KEAP1: variants seen among roughly 807,000 people sequenced by gnomAD.
KEAP1 encodes kelch like ECH associated protein 1.
In KEAP1, 26 loss-of-function variants were observed where a neutral mutation model predicts 59.7. That is an observed-to-expected ratio of 0.44 (90% CI 0.32 to 0.60). The LOEUF is 0.60. Ranked by LOEUF, KEAP1 falls within the 20% of genes least tolerant of loss-of-function variation. The pLI is 0.06. For synonymous variants in KEAP1, 350 were observed against 358.3 expected, an observed-to-expected ratio of 0.98 and a Z score of 0.26; for missense variants, 539 against 871.4, an observed-to-expected ratio of 0.62 and a Z score of 4.80.
At chr19:10,489,120 A>AT in intron 5 of KEAP1, 72 bp downstream of exon 5, 43 of 920,538 alleles carry the variant, frequency 4.7e-5, no homozygotes, top group Non-Finnish European at 5.7e-5. Flanking sequence ...AAAAAAAAAA[A>AT]GGAAAGCAAA....
rs1415348782 is a variant in KEAP1, at chr19:10,499,866, C to T, written c.168G>A (p.Leu56=). The change falls in exon 2 of 6, where the codon CTG becomes CTA. Residue 56 remains leucine (L), a synonymous_variant. Coordinates refer to ENST00000171111, the MANE Select transcript of KEAP1 (RefSeq NM_203500.2). This position sits in a 1 kb window ranked among gnomAD's most constrained non-coding sequence, Gnocchi z 6.7. ...CAAAGGCCTGCTTGGTATGATCCTCCAGGGTGTAGCTGAAGGTGCGGTTGC... is the reference window on the plus strand; with the variant it reads ...CAAAGGCCTGCTTGGTATGATCCTCTAGGGTGTAGCTGAAGGTGCGGTTGC... ...QHGNRTFSYT[L]EDHTKQAFGI... The T allele has an allele frequency of 1.2e-6, 2 of 1,613,568 alleles. No homozygotes were observed. The highest frequency in any genetic ancestry group is 8.5e-7 in the Non-Finnish European group (1 of 1,179,928).
At chr19:10,489,450 T>C (rs2144588467) in intron 4 of KEAP1, 82 bp from the exon 5 acceptor site, 1 of 1,377,150 alleles carries the variant, frequency 7.3e-7, no homozygotes, top group Non-Finnish European at 1.0e-6. Flanking sequence ...GGGAGACCTT[T>C]CCTCTCTCCT....
Position 10,499,978 on chromosome 19 carries a change from AG to A in KEAP1, c.55del (p.Leu19CysfsTer13). 1.3e-6 allele frequency: 2 copies of A among 1,588,524 alleles called. No homozygotes were observed. The highest frequency in any genetic ancestry group is 8.6e-7 in the Non-Finnish European group (1 of 1,162,448). The part of the protein sequence containing the change: ...GAGACCRFLP[L>X]QSQCPEGAGD... ...TGCCCCCTCAGGGCACTGTGACTGC[AG>A]GGGCAGGAATCGGCAGCAGGCCCCA... is the stretch of plus-strand genomic sequence containing the variant. On this transcript the variant is annotated frameshift_variant, in exon 2 of 6. Coordinates refer to ENST00000171111, the MANE Select transcript of KEAP1 (RefSeq NM_203500.2). LOFTEE classifies it high-confidence loss of function. The surrounding 1 kb of genome is among the most constrained non-coding windows in gnomAD (Gnocchi z 6.7).
At chr19:10,490,251 C>CAA (rs796097627) in intron 3 of KEAP1, 5 of 97,242 alleles carry the variant, frequency 5.1e-5, no homozygotes, top group South Asian at 3.6e-4. Flanking sequence ...GACTCCATCT[C>CAA]AAAAAAAAAA....
rs780849948 is a variant in KEAP1, at chr19:10,486,686, C to T, written c.1841G>A (p.Arg614Gln). The change falls in exon 6 of 6, where the codon CGG becomes CAG. Residue 614 changes from arginine (R) to glutamine (Q), a missense_variant. Coordinates refer to ENST00000171111, the MANE Select transcript of KEAP1 (RefSeq NM_203500.2). ...ACAGTTCTGCTGGTCAATCTGCTTC[C>T]GGCAGGGCTCCATGGTGACAGCCAC... ...VGVAVTMEPC[R>Q]KQIDQQNCTC is the part of the protein sequence containing the mutation. 1.8e-5 allele frequency: 29 copies of T among 1,613,982 alleles called. No individual in the cohort carries two copies. Among genetic ancestry groups the T allele is most frequent in the South Asian group, 6.6e-5 (6 of 91,090 alleles).
At position 10,491,513 on chromosome 19, in the gene KEAP1, TCA is replaced by T. The variant is rs1914665563; in HGVS notation, c.1325+62_1325+63del. ...CAGCCTCAGGAAGAATACCCGGATC[TCA>T]GTGTCTTGGGACTTGCCAGGAGCAG... On this transcript the variant is annotated intron_variant, in intron 3 of 5. Transcript: ENST00000171111. This position sits in a 1 kb window ranked among gnomAD's most constrained non-coding sequence, Gnocchi z 5.2. 2 of 1,348,314 alleles carry T rather than the reference TCA, an allele frequency of 1.5e-6. No homozygotes were observed. The highest frequency in any genetic ancestry group is 3.3e-5 in the South Asian group (2 of 61,200). 83.5% of individuals were successfully genotyped at this position (1,348,314 alleles called of 1,614,324 possible).
intron 2 of KEAP1, among the ~76,000 whole-genome samples, chr19:10,498,839 A>AT (rs35169125): frequency 0.19 from 27,208 of 145,362 alleles, 2,556 homozygotes; most frequent in Middle Eastern, 0.22. Context: ...TTGTTTTTTA[A>AT]TTTTTTTTTT....
At chr19:10,498,038 T>G (rs1274148934) in intron 2 of KEAP1, among the ~76,000 whole-genome samples, 2 of 141,016 alleles carry the variant, frequency 1.4e-5, no homozygotes, top group Admixed American at 7.1e-5. Context: ...GTAGCTGGGA[T>G]TACAAGCATG....
rs767530415 is a variant in KEAP1, at chr19:10,489,865, T to A, written c.1326-12A>T. On this transcript the variant is annotated splice_polypyrimidine_tract_variant and intron_variant, in intron 3 of 5. Coordinates refer to ENST00000171111, the MANE Select transcript of KEAP1 (RefSeq NM_203500.2). Reference sequence around the variant, plus strand: ...GCTCTGGCTCATACCTGCAAGGGCGTAAGAAAAATGGGGACAATGGCCATT... The same window carrying A: ...GCTCTGGCTCATACCTGCAAGGGCGAAAGAAAAATGGGGACAATGGCCATT... The A allele has an allele frequency of 6.2e-7, 1 of 1,609,010 alleles. No homozygotes were observed. Among genetic ancestry groups the A allele is most frequent in the Non-Finnish European group, 8.5e-7 (1 of 1,177,622 alleles).
chr19:10,489,714 A>G lies in KEAP1; in HGVS notation c.1465T>C (p.Cys489Arg). ...CACTCGTTCCTCTCTGGGTAGTAAC[A>G]CTCAGCTGAATTAAGGCGGTTTGTC... is the stretch of plus-strand genomic sequence containing the variant. ...DGTNRLNSAE[C>R]YYPERNEWRM... Residue 489 changes from cysteine to arginine, a missense_variant, in exon 4 of 6, where the codon TGT becomes CGT. By Grantham distance (180) the Cys-to-Arg change is radical. This residue lies in a region of KEAP1 where 311 missense variants were observed against 425.2 expected (regional missense o/e 0.73). Transcript: ENST00000171111. 6.2e-7 allele frequency: 1 copy of G among 1,613,974 alleles called. No homozygotes were observed. The highest frequency in any genetic ancestry group is 2.2e-5 in the East Asian group (1 of 44,864).
intron 2 of KEAP1, among the ~76,000 whole-genome samples, chr19:10,493,081 C>T (rs1337181133): frequency 1.3e-5 from 2 of 151,740 alleles, no homozygotes; most frequent in Admixed American, 6.6e-5. Flanking sequence ...CTGCAACCTC[C>T]GCCACCCAGG....
At position 10,491,690 on chromosome 19, in the gene KEAP1, C is replaced by A. The variant is rs1914676826; in HGVS notation, c.1212G>T (p.Ser404=). 6.4e-7 allele frequency: 1 copy of A among 1,572,888 alleles called. No homozygotes were observed. Among genetic ancestry groups the A allele is most frequent in the Non-Finnish European group, 8.6e-7 (1 of 1,160,282 alleles). ...GGGGCACGCTCATGGGGGCGCAGGG[C>A]GACCACTGATTGGTCATGGGGTTGT... The part of the protein sequence containing the change: ...DCYNPMTNQW[S]PCAPMSVPRN... Residue 404 remains serine, a synonymous_variant, in exon 3 of 6, where the codon TCG becomes TCT. Coordinates refer to ENST00000171111, the MANE Select transcript of KEAP1 (RefSeq NM_203500.2). This position sits in a 1 kb window ranked among gnomAD's most constrained non-coding sequence, Gnocchi z 5.2.
In KEAP1 at chr19:10,502,912, G is replaced by C. The variant is rs1019024957; in HGVS notation, c.-48+329C>G. On this transcript the variant is annotated intron_variant, in intron 1 of 5. Transcript: ENST00000171111. This position sits in a 1 kb window ranked among gnomAD's most constrained non-coding sequence, Gnocchi z 4.0. ...CCCCGCCCACGCCTGCTGTCGCCCA[G>C]CTGCGCGGCCACCACGGCGCCCAGC... 1.3e-5 allele frequency: 2 copies of C among 152,242 alleles called. No individual in the cohort carries two copies. Among genetic ancestry groups the C allele is most frequent in the African/African-American group, 2.4e-5 (1 of 41,562 alleles). The allele number at this position is 152,242 out of a possible 1,614,324, so 9.4% of individuals were successfully genotyped here.
chr19:10,489,551 G>T, intron 4 of KEAP1, 97 bp downstream of exon 4: 1 of 1,402,846 alleles, frequency 7.1e-7, no homozygotes, highest in African/African-American at 1.4e-5. Flanking sequence ...CCAGCATGAG[G>T]GTTGCAACAG....
chr19:10,487,471 A>G (rs959831840), intron 5 of KEAP1, among the ~76,000 whole-genome samples: 9 of 152,048 alleles, frequency 5.9e-5, no homozygotes, highest in South Asian at 2.1e-4. Context: ...AGCCTCGCCA[A>G]CAGAGTGAAA....
Position 10,486,466 on chromosome 19 carries a change from C to T in KEAP1, c.*186G>A. 1.5e-6 allele frequency: 1 copy of T among 668,664 alleles called. No individual in the cohort carries two copies. The highest frequency in any genetic ancestry group is 1.8e-5 in the South Asian group (1 of 56,548). 41.4% of individuals were successfully genotyped at this position (668,664 alleles called of 1,614,324 possible). A position where few individuals can be genotyped will look rare whatever the true frequency, so the allele number is the denominator to read the frequency against. On this transcript the variant is annotated 3_prime_UTR_variant, in exon 6 of 6. Coordinates refer to ENST00000171111, the MANE Select transcript of KEAP1 (RefSeq NM_203500.2). Reference sequence around the variant, plus strand: ...TGTCTTGGACACTCCCGGGGCTCCGCTGAGGGGCACATGATTCCCGCTTTG... The same window carrying T: ...TGTCTTGGACACTCCCGGGGCTCCGTTGAGGGGCACATGATTCCCGCTTTG...
intron 5 of KEAP1, among the ~76,000 whole-genome samples, chr19:10,488,244 G>A (rs1403635147): frequency 2.0e-5 from 3 of 152,068 alleles, no homozygotes; most frequent in South Asian, 2.1e-4. Flanking sequence ...CCAAGATTGC[G>A]CCATTGCACT....
At chr19:10,489,950 C>T (rs1347438811) in intron 3 of KEAP1, 97 bp from the exon 4 acceptor site, 211 of 1,139,448 alleles carry the variant, frequency 1.9e-4, no homozygotes, top group Non-Finnish European at 2.3e-4. Context: ...TTTTTTTTTT[C>T]CCCCTTAAAG....
chr19:10,500,191 A>T, intron 1 of KEAP1, 111 bp from the exon 2 acceptor site: 1 of 759,698 alleles, frequency 1.3e-6, no homozygotes, highest in Non-Finnish European at 2.1e-6. Context: ...CCTGCAAAGT[A>T]GGTGAAGCAG....
Sources: allele counts gnomAD v4.1 joint callset (sites outside exome capture counted in the v4.1 genomes callset), GRCh38; gene constraint gnomAD v4.1.1; regional missense constraint gnomAD v4.1.1; non-coding constraint Gnocchi (gnomAD v3.1); transcripts MANE v1.5; gene names NCBI Gene and HGNC (gene_info 2026-07-23, HGNC 2026-07-21).